Variants in DSCAM observed in about 807,000 individuals in gnomAD.
The protein encoded by DSCAM is DS cell adhesion molecule.
A neutral mutation model predicts 217.7 loss-of-function variants in DSCAM; 47 were observed. The ratio of observed to expected loss-of-function variants is 0.22; its 90% CI spans 0.17 to 0.28. The LOEUF is 0.28. Among genes scored for constraint, DSCAM ranks in the 10% least tolerant of loss-of-function variants. DSCAM has a pLI of 1.00. For missense variants in DSCAM, 2,080 were observed against 2,618.3 expected (o/e 0.79, Z 4.49); for synonymous variants, 1,056 against 1,015.3 (o/e 1.04, Z -0.76).
chr21:40,420,778 T>C (rs2075416545), intron 3 of DSCAM, among the ~76,000 whole-genome samples: 1 of 152,086 alleles, frequency 6.6e-6, no homozygotes, highest in Non-Finnish European at 1.5e-5. Flanking sequence ...TCAGATGATG[T>C]TTCTACAAGC....
intron 3 of DSCAM, among the ~76,000 whole-genome samples, chr21:40,646,176 G>T (rs9984713): frequency 2.6e-5 from 4 of 151,928 alleles, no homozygotes; most frequent in Non-Finnish European, 5.9e-5. Flanking sequence ...TAGCACTTTG[G>T]GAGGCCAAGG....
chr21:40,296,000 CT>C, intron 10 of DSCAM, 54 bp downstream of exon 10: 1 of 1,588,508 alleles, frequency 6.3e-7, no homozygotes, highest in Non-Finnish European at 8.6e-7. Context: ...TTATCTAATC[CT>C]TTAGAACATA....
intron 3 of DSCAM, among the ~76,000 whole-genome samples, chr21:40,677,514 C>T (rs977860128): frequency 1.3e-5 from 2 of 152,114 alleles, no homozygotes; most frequent in Non-Finnish European, 2.9e-5. Context: ...TGCCCCATAG[C>T]TTTTATTACT....
intron 8 of DSCAM, among the ~76,000 whole-genome samples, chr21:40,325,287 A>G (rs2074305292): frequency 6.6e-6 from 1 of 152,202 alleles, no homozygotes; most frequent in African/African-American, 2.4e-5. Flanking sequence ...AGAAGAAAAC[A>G]TGGGTCATTT....
chr21:40,561,306 C>G (rs2076718877), intron 3 of DSCAM, among the ~76,000 whole-genome samples: 1 of 152,208 alleles, frequency 6.6e-6, no homozygotes, highest in Admixed American at 6.5e-5. Context: ...ACTTACCCTA[C>G]AGTCAACAGT....
In DSCAM at chr21:40,734,161, G is replaced by A. The variant is rs1173675286; in HGVS notation, c.44-25390C>T. On this transcript the variant is annotated intron_variant, in intron 1 of 32. Coordinates refer to ENST00000400454, the MANE Select transcript of DSCAM (RefSeq NM_001389.5). ...GATGTGGGGTCATCTAGAAATCGGAGTCACCCCAAGAAACGCTAAATGTTG... is the reference window on the plus strand; with the variant it reads ...GATGTGGGGTCATCTAGAAATCGGAATCACCCCAAGAAACGCTAAATGTTG... Among the ~76,000 whole-genome samples the A allele has an allele frequency of 2.0e-5, 3 of 152,132 alleles. No individual in the cohort carries two copies. In the East Asian group the frequency reaches 5.8e-4, roughly 29 times the overall value.
At chr21:40,302,966 T>C (rs1427009518) in intron 9 of DSCAM, among the ~76,000 whole-genome samples, 2 of 152,206 alleles carry the variant, frequency 1.3e-5, no homozygotes, top group Non-Finnish European at 2.9e-5. Context: ...GTTTTATGTT[T>C]GGAAGCCATG....
At chr21:40,528,507 G>A (rs1316204146) in intron 3 of DSCAM, among the ~76,000 whole-genome samples, 2 of 152,148 alleles carry the variant, frequency 1.3e-5, no homozygotes, top group East Asian at 3.9e-4. Flanking sequence ...ATTCCTTCCA[G>A]TAAATACTGG....
intron 3 of DSCAM, among the ~76,000 whole-genome samples, chr21:40,519,826 G>C (rs12483090): frequency 0.18 from 27,423 of 149,726 alleles, 2,796 homozygotes; most frequent in East Asian, 0.29. Flanking sequence ...TTAAGTCTCT[G>C]TCTCTCTCAC....
In DSCAM at chr21:40,512,539, G is replaced by C. The variant is rs576987737; in HGVS notation, c.509-143294C>G. Reference sequence around the variant, plus strand: ...AGAGTGGGAGGCTGTCTTCACGTTTGCGGCATTGTTCTGTCTCCATCTATT... The same window carrying C: ...AGAGTGGGAGGCTGTCTTCACGTTTCCGGCATTGTTCTGTCTCCATCTATT... On this transcript the variant is annotated intron_variant, in intron 3 of 32. Transcript: ENST00000400454. Among the ~76,000 whole-genome samples the C allele has an allele frequency of 6.6e-5, 10 of 152,238 alleles. 1 individual carries two copies. The South Asian group carries it at 1.7e-3, about 25-fold the overall frequency.
chr21:40,820,264 G>T (rs1032803644), intron 1 of DSCAM, among the ~76,000 whole-genome samples: 8 of 152,126 alleles, frequency 5.3e-5, no homozygotes, highest in Non-Finnish European at 8.8e-5. Flanking sequence ...GATATACCAT[G>T]GAATACTATG....
chr21:40,619,633 T>C (rs2089452244), intron 3 of DSCAM, among the ~76,000 whole-genome samples: 1 of 152,226 alleles, frequency 6.6e-6, no homozygotes. Context: ...CTTTAATATC[T>C]ATGTATTAAG....
intron 1 of DSCAM, among the ~76,000 whole-genome samples, chr21:40,838,590 A>C (rs1465757893): frequency 3.3e-5 from 5 of 152,240 alleles, no homozygotes; most frequent in African/African-American, 1.2e-4. Context: ...TTTTATTTTC[A>C]GTGTGAAAAA....
At chr21:40,301,945 A>G (rs565015547) in intron 9 of DSCAM, among the ~76,000 whole-genome samples, 3 of 152,312 alleles carry the variant, frequency 2.0e-5, no homozygotes, top group African/African-American at 7.2e-5. Context: ...CTGGCCAAGA[A>G]GATACAGAGC....
At chr21:40,719,115 C>T (rs758956197) in intron 1 of DSCAM, among the ~76,000 whole-genome samples, 1 of 151,084 alleles carries the variant, frequency 6.6e-6, no homozygotes. Context: ...GACCTTGTCT[C>T]CAAAGAAGAA....
chr21:40,040,127 G>T (rs970115367), intron 32 of DSCAM, among the ~76,000 whole-genome samples: 2 of 152,196 alleles, frequency 1.3e-5, no homozygotes, highest in Non-Finnish European at 2.9e-5. Flanking sequence ...ATTTTCTAAA[G>T]CATATCAGAT....
intron 1 of DSCAM, among the ~76,000 whole-genome samples, chr21:40,840,837 A>G (rs1195559851): frequency 6.6e-6 from 1 of 152,090 alleles, no homozygotes; most frequent in Non-Finnish European, 1.5e-5. Context: ...CTAGAGGCAG[A>G]AGAGAGAGGT....
At chr21:40,518,601 TATAC>T (rs1464492051) in intron 3 of DSCAM, among the ~76,000 whole-genome samples, 10 of 95,538 alleles carry the variant, frequency 1.0e-4, no homozygotes, top group African/African-American at 3.8e-4. Context: ...CACACACATA[TATAC>T]ATACACACAC....
At chr21:40,212,878 A>G (rs768115064) in intron 11 of DSCAM, among the ~76,000 whole-genome samples, 1 of 152,228 alleles carries the variant, frequency 6.6e-6, no homozygotes, top group African/African-American at 2.4e-5. Context: ...GAGAAGGCAC[A>G]GAGACACAAA....
Sources: allele counts gnomAD v4.1 joint callset (sites outside exome capture counted in the v4.1 genomes callset), GRCh38; gene constraint gnomAD v4.1.1; transcripts MANE v1.5; gene names NCBI Gene and HGNC (gene_info 2026-07-23, HGNC 2026-07-21).